DIAPH3: variants seen among roughly 807,000 people sequenced by gnomAD.
DIAPH3 encodes the protein diaphanous related formin 3.
A neutral mutation model predicts 144.3 loss-of-function variants in DIAPH3; 117 were observed. The observed-to-expected ratio is 0.81, with a 90% CI of 0.70 to 0.95. The LOEUF is 0.95. DIAPH3 is among the 40% of genes least tolerant of loss of function. The pLI is 0.00. For synonymous variants in DIAPH3, 519 were observed against 488.9 expected (o/e 1.06, Z -0.81); for missense variants, 1,421 against 1,412.7 (o/e 1.01, Z -0.09).
chr13:60,124,142 C>T (rs572796876), intron 2 of DIAPH3, among the ~76,000 whole-genome samples: 1 of 152,288 alleles, frequency 6.6e-6, no homozygotes, highest in African/African-American at 2.4e-5. Flanking sequence ...TGTCTGGTAA[C>T]AGTTATACCG....
intron 25 of DIAPH3, among the ~76,000 whole-genome samples, chr13:59,798,366 A>G (rs1203196861): frequency 1.3e-5 from 2 of 152,206 alleles, no homozygotes; most frequent in Non-Finnish European, 2.9e-5. Context: ...AATTCAAAGC[A>G]TAGCATGGTT....
At chr13:60,136,700 C>A (rs2059287056) in intron 1 of DIAPH3, among the ~76,000 whole-genome samples, 1 of 151,880 alleles carries the variant, frequency 6.6e-6, no homozygotes, top group Admixed American at 6.6e-5. Flanking sequence ...CTTTGGGAGG[C>A]AGAGGCGGGC....
chr13:59,749,041 C>T (rs1458522477), intron 27 of DIAPH3, among the ~76,000 whole-genome samples: 1 of 151,278 alleles, frequency 6.6e-6, no homozygotes, highest in Admixed American at 6.6e-5. Flanking sequence ...TGGTGAAGCC[C>T]CGTCTCTACT....
intron 2 of DIAPH3, among the ~76,000 whole-genome samples, chr13:60,126,994 AAAT>A (rs1303365298): frequency 6.6e-6 from 1 of 152,058 alleles, no homozygotes; most frequent in East Asian, 1.9e-4. Flanking sequence ...AAAAGAAAGT[AAAT>A]AATAAAGGTA....
intron 27 of DIAPH3, among the ~76,000 whole-genome samples, chr13:59,761,732 C>T (rs2037600133): frequency 6.6e-6 from 1 of 152,046 alleles, no homozygotes; most frequent in Non-Finnish European, 1.5e-5. Context: ...AAATGATAAG[C>T]TGAGAGGTAG....
chr13:59,805,205 T>C (rs2040131855), intron 25 of DIAPH3, among the ~76,000 whole-genome samples: 1 of 152,070 alleles, frequency 6.6e-6, no homozygotes, highest in Admixed American at 6.5e-5. Flanking sequence ...AAAACATAAT[T>C]ACACAACACT....
At chr13:60,162,797 TCTCTCTCTCTCTCA>T (rs1465109285) in intron 1 of DIAPH3, among the ~76,000 whole-genome samples, 3 of 136,318 alleles carry the variant, frequency 2.2e-5, no homozygotes, top group East Asian at 2.4e-4. Context: ...TCTCTCTCTC[TCTCTCTCTCTCTCA>T]CACACACACA....
chr13:59,852,005 G>C (rs2043004001), intron 22 of DIAPH3, among the ~76,000 whole-genome samples: 1 of 151,954 alleles, frequency 6.6e-6, no homozygotes, highest in African/African-American at 2.4e-5. Flanking sequence ...CAAGTGCCTA[G>C]CACAATGCCT....
intron 4 of DIAPH3, among the ~76,000 whole-genome samples, chr13:60,061,959 A>G (rs2056791830): frequency 6.6e-6 from 1 of 151,774 alleles, no homozygotes; most frequent in Admixed American, 6.6e-5. Flanking sequence ...ACACAACCCC[A>G]CCTCCAAATG....
At chr13:59,800,615 C>T (rs560574840) in intron 25 of DIAPH3, among the ~76,000 whole-genome samples, 2 of 152,308 alleles carry the variant, frequency 1.3e-5, no homozygotes, top group East Asian at 3.9e-4. Flanking sequence ...TTTCCTCAGA[C>T]TGCAATGCTA....
At chr13:59,738,958 C>T (rs575568065) in intron 27 of DIAPH3, among the ~76,000 whole-genome samples, 54 of 152,260 alleles carry the variant, frequency 3.5e-4, no homozygotes, top group South Asian at 8.3e-4. Flanking sequence ...AGCTTTGCTT[C>T]CTTTTTTTCC....
At chr13:59,936,915 GC>G (rs537825619) in intron 17 of DIAPH3, among the ~76,000 whole-genome samples, 269 of 152,214 alleles carry the variant, frequency 1.8e-3, no homozygotes, top group African/African-American at 6.0e-3. Flanking sequence ...TATAATCCCA[GC>G]ACTTTGGGAG....
chr13:60,163,464 A>G lies in DIAPH3; in HGVS notation c.180+123T>C, dbSNP rs1255072315. 25 of 1,336,196 alleles carry G rather than the reference A, an allele frequency of 1.9e-5. No individual in the cohort carries two copies. In the East Asian group the frequency reaches 5.0e-4, roughly 27 times the overall value. The allele number at this position is 1,336,196 out of a possible 1,614,324, so 82.8% of individuals were successfully genotyped here. On this transcript the variant is annotated intron_variant, in intron 1 of 27. Coordinates refer to ENST00000400324, the MANE Select transcript of DIAPH3 (RefSeq NM_001042517.2). ...TAGACCCGGTCGTTGTCAATCTATG[A>G]TCTTTGGCACCTCTGGATCTCTAGA...
Position 59,861,487 on chromosome 13 carries a change from A to T in DIAPH3, c.2657T>A (p.Leu886Gln). 6.2e-7 allele frequency: 1 copy of T among 1,613,844 alleles called. No individual in the cohort carries two copies. The change falls in exon 22 of 28, where the codon CTG (leucine) becomes CAG (glutamine). Residue 886 changes from leucine (L) to glutamine (Q), a missense_variant. Physicochemically the swap from Leu to Gln is moderately radical, Grantham distance 113 (BLOSUM62 -2). Coordinates refer to ENST00000400324, the MANE Select transcript of DIAPH3 (RefSeq NM_001042517.2). ...GTACTTCTCTTCACATATTTCTACC[A>T]GGAAATGAAGTAGCGTTGTTTTCTG... Reference protein sequence around the residue: ...ADQKTTLLHFLVEICEEKYPD... With the variant: ...ADQKTTLLHFQVEICEEKYPD...
At chr13:59,759,596 G>T (rs926023175) in intron 27 of DIAPH3, among the ~76,000 whole-genome samples, 1 of 152,162 alleles carries the variant, frequency 6.6e-6, no homozygotes, top group Admixed American at 6.5e-5. Flanking sequence ...GAGAAAGTAG[G>T]TTAACAGAAT....
chr13:60,008,753 T>C lies in DIAPH3; in HGVS notation c.909-104A>G, dbSNP rs951052579. The C allele has an allele frequency of 1.2e-5, 9 of 770,086 alleles. No individual in the cohort carries two copies. In the African/African-American group the frequency reaches 1.6e-4, roughly 13 times the overall value. The allele number at this position is 770,086 out of a possible 1,614,324, so 47.7% of individuals were successfully genotyped here. On this transcript the variant is annotated intron_variant, in intron 8 of 27. Coordinates refer to ENST00000400324, the MANE Select transcript of DIAPH3 (RefSeq NM_001042517.2). ...AAGTCAATACCCTAAGCAGCCAATA[T>C]ATTTTAGAAGTAGATTACTGAGTAC...
chr13:59,830,358 C>T (rs1402289607), intron 24 of DIAPH3, among the ~76,000 whole-genome samples: 1 of 151,884 alleles, frequency 6.6e-6, no homozygotes, highest in African/African-American at 2.4e-5. Context: ...AACCTTGTTA[C>T]AATCACTTCC....
chr13:60,066,515 C>T (rs1381284530), intron 4 of DIAPH3, among the ~76,000 whole-genome samples: 1 of 152,154 alleles, frequency 6.6e-6, no homozygotes, highest in Non-Finnish European at 1.5e-5. Flanking sequence ...TGGCTGATTA[C>T]AAGCAACCAG....
chr13:59,666,660 T>A lies in DIAPH3; in HGVS notation c.3506A>T (p.Glu1169Val), dbSNP rs759620439. 6.2e-7 allele frequency: 1 copy of A among 1,614,028 alleles called. No individual in the cohort carries two copies. The highest frequency in any genetic ancestry group is 1.3e-5 in the African/African-American group (1 of 74,928). The change falls in exon 28 of 28, where the codon GAA becomes GTA. Residue 1169 changes from glutamate to valine, a missense_variant. Physicochemically the swap from Glu to Val is moderately radical, Grantham distance 121. Transcript: ENST00000400324. ...ATTTTTAGAAAAAGAGCCAAGAAGTTCCGTTTCCTTTTTTCTGTTGCTTTC... is the reference window on the plus strand; with the variant it reads ...ATTTTTAGAAAAAGAGCCAAGAAGTACCGTTTCCTTTTTTCTGTTGCTTTC... ...NVESNRKKET[E>V]LLGSFSKNES...
Sources: allele counts gnomAD v4.1 joint callset (sites outside exome capture counted in the v4.1 genomes callset), GRCh38; gene constraint gnomAD v4.1.1; transcripts MANE v1.5; gene names NCBI Gene and HGNC (gene_info 2026-07-23, HGNC 2026-07-21).